AGMO: variants seen among roughly 807,000 people sequenced by gnomAD.
AGMO encodes alkylglycerol monooxygenase.
A neutral mutation model predicts 60.2 loss-of-function variants in AGMO; 75 were observed. The observed-to-expected ratio is 1.25, with a 90% CI of 1.03 to 1.51. AGMO has a LOEUF of 1.51. Ranked by LOEUF, AGMO falls within the 40% of genes most tolerant of loss-of-function variation. The pLI, the probability that AGMO is intolerant of heterozygous loss-of-function variation, is 0.00. For synonymous variants in AGMO, 261 were observed against 177.1 expected (o/e 1.47, Z -3.76); for missense variants, 763 against 525.5 (o/e 1.45, Z -4.42).
chr7:15,514,467 T>C (rs1005109275), intron 3 of AGMO, among the ~76,000 whole-genome samples: 5 of 152,170 alleles, frequency 3.3e-5, no homozygotes, highest in South Asian at 2.1e-4. Flanking sequence ...GAGAGATATA[T>C]AGTATTTATG....
intron 5 of AGMO, chr7:15,396,528 A>G (rs945825169): frequency 2.0e-5 from 3 of 152,240 alleles, no homozygotes; most frequent in Non-Finnish European, 2.9e-5. Flanking sequence ...CATTGCAAAG[A>G]GCAAAAGAAC....
intron 12 of AGMO, among the ~76,000 whole-genome samples, chr7:15,320,663 T>C (rs1781081286): frequency 6.6e-6 from 1 of 152,152 alleles, no homozygotes; most frequent in African/African-American, 2.4e-5. Flanking sequence ...TTGTTTATCC[T>C]GTCTTTCCTG....
At chr7:15,271,499 T>C (rs1003859714) in intron 12 of AGMO, among the ~76,000 whole-genome samples, 1 of 152,180 alleles carries the variant, frequency 6.6e-6, no homozygotes, top group Non-Finnish European at 1.5e-5. Flanking sequence ...ATATTAACTA[T>C]CTTTTTATGT....
chr7:15,389,407 T>C (rs1405482645), intron 8 of AGMO, among the ~76,000 whole-genome samples: 1 of 152,214 alleles, frequency 6.6e-6, no homozygotes. Context: ...ACAAAGCTTA[T>C]TATTAAGAAA....
At chr7:15,355,928 G>C (rs569690892) in intron 12 of AGMO, among the ~76,000 whole-genome samples, 1 of 151,944 alleles carries the variant, frequency 6.6e-6, no homozygotes, top group East Asian at 1.9e-4. Flanking sequence ...ATGGGTAAAA[G>C]GTACAAAAAA....
intron 3 of AGMO, among the ~76,000 whole-genome samples, chr7:15,513,146 G>C (rs956368412): frequency 2.6e-5 from 4 of 152,132 alleles, no homozygotes; most frequent in African/African-American, 9.7e-5. Flanking sequence ...TGATTGTCAA[G>C]CATAATTGCT....
At chr7:15,528,516 A>T (rs757424149) in intron 3 of AGMO, among the ~76,000 whole-genome samples, 1 of 152,140 alleles carries the variant, frequency 6.6e-6, no homozygotes, top group Non-Finnish European at 1.5e-5. Flanking sequence ...TTTGCCAAAA[A>T]ATATTTAACC....
intron 4 of AGMO, among the ~76,000 whole-genome samples, chr7:15,422,402 G>C (rs1240564989): frequency 6.6e-6 from 1 of 152,014 alleles, no homozygotes; most frequent in African/African-American, 2.4e-5. Context: ...AAACAGTAAG[G>C]TAAGAGCAAT....
chr7:15,291,724 CAGA>C (rs1201343035), intron 12 of AGMO, among the ~76,000 whole-genome samples: 1 of 152,062 alleles, frequency 6.6e-6, no homozygotes, highest in African/African-American at 2.4e-5. Context: ...CGGCCTAGCA[CAGA>C]AGATGAACAT....
intron 9 of AGMO, 46 bp from the exon 10 acceptor site, chr7:15,385,608 T>A (rs1783879161): frequency 9.2e-7 from 1 of 1,083,576 alleles, no homozygotes. Flanking sequence ...CAGACTCATT[T>A]TTCTTACTGA....
At chr7:15,454,929 C>G (rs1183722362) in intron 3 of AGMO, among the ~76,000 whole-genome samples, 1 of 152,114 alleles carries the variant, frequency 6.6e-6, no homozygotes, top group East Asian at 1.9e-4. Context: ...ACCATTTTAG[C>G]TTCTGCCTTT....
the AGMO span, among the ~76,000 whole-genome samples, chr7:15,134,524 G>C: frequency 3.9e-5 from 6 of 152,054 alleles, no homozygotes; most frequent in African/African-American, 1.4e-4. Flanking sequence ...CCAAAGTTTA[G>C]CTCCCACTTA....
chr7:15,350,744 A>G (rs1782209413), intron 12 of AGMO, among the ~76,000 whole-genome samples: 1 of 152,180 alleles, frequency 6.6e-6, no homozygotes, highest in Admixed American at 6.6e-5. Context: ...TTCTGTGACA[A>G]TTTGATCATA....
intron 12 of AGMO, among the ~76,000 whole-genome samples, chr7:15,346,996 G>T (rs911664979): frequency 2.0e-5 from 3 of 151,838 alleles, no homozygotes; most frequent in Non-Finnish European, 4.4e-5. Flanking sequence ...AACTTTAAAT[G>T]ATTCTGTGAA....
chr7:15,366,148 C>G lies in AGMO; in HGVS notation c.1149G>C (p.Leu383=), dbSNP rs749208471. Residue 383 remains leucine, a synonymous_variant, in exon 11 of 13, where the codon CTG becomes CTC. Transcript: ENST00000342526. ...ILTLTSIGFL[L]DQRPKAAIME... is the part of the protein sequence containing the mutation. ...AGAATTTCACTTCTTGCCTTTGATC[C>G]AGAAGAAATCCAATGGAAGTCAAGG... 6.2e-7 allele frequency: 1 copy of G among 1,605,656 alleles called. No individual in the cohort carries two copies. The highest frequency in any genetic ancestry group is 8.5e-7 in the Non-Finnish European group (1 of 1,175,212).
intron 3 of AGMO, among the ~76,000 whole-genome samples, chr7:15,446,397 C>A (rs886387422): frequency 2.6e-5 from 4 of 151,572 alleles, no homozygotes; most frequent in African/African-American, 9.7e-5. Flanking sequence ...AATAAATGAC[C>A]AAAAAAAACC....
chr7:15,529,573 TAGAGTATATATAGTATATAAAC>T (rs1784225693), intron 3 of AGMO, among the ~76,000 whole-genome samples: 3 of 96,076 alleles, frequency 3.1e-5, no homozygotes, highest in African/African-American at 1.2e-4. Flanking sequence ...ATTCTATATA[TAGAGTATATATAGTATATAAAC>T]TCTATATATA....
chr7:15,202,873 T>A (rs1781335909), intron 12 of AGMO, among the ~76,000 whole-genome samples: 1 of 152,130 alleles, frequency 6.6e-6, no homozygotes, highest in Non-Finnish European at 1.5e-5. Flanking sequence ...CTCTTAGACT[T>A]GTGCAATGAG....
intron 12 of AGMO, among the ~76,000 whole-genome samples, chr7:15,335,689 C>T (rs545880956): frequency 6.1e-4 from 93 of 152,252 alleles, no homozygotes; most frequent in African/African-American, 2.2e-3. Flanking sequence ...TCTCTGCATA[C>T]CAGTTACTGT....
Sources: gnomAD v4.1 joint callset for allele counts (sites outside exome capture counted in the v4.1 genomes callset) on GRCh38, gnomAD v4.1.1 for gene constraint, MANE v1.5 for transcripts, NCBI Gene and HGNC (gene_info 2026-07-23, HGNC 2026-07-21) for gene names.